ACE: variants seen among roughly 807,000 people sequenced by gnomAD.
ACE encodes angiotensin I converting enzyme.
In ACE, 122 loss-of-function variants were observed where a neutral mutation model predicts 162.3. That is an observed-to-expected ratio of 0.75 (90% CI 0.65 to 0.87). The LOEUF (loss-of-function observed/expected upper bound fraction) is 0.87. ACE is among the 40% of genes least tolerant of loss of function. ACE has a pLI of 0.00. For synonymous variants in ACE, 796 were observed against 720.6 expected, an observed-to-expected ratio of 1.10 and a Z score of -1.68; for missense variants, 1,799 against 1,735.1, an observed-to-expected ratio of 1.04 and a Z score of -0.65.
Position 63,479,090 on chromosome 17 carries a change from C to T in ACE, c.501C>T (p.Ser167=), listed in dbSNP as rs368820000. 5 of 1,612,766 alleles carry T rather than the reference C, an allele frequency of 3.1e-6. No homozygotes were observed. The highest frequency in any genetic ancestry group is 4.2e-6 in the Non-Finnish European group (5 of 1,179,646). Residue 167 remains serine (S), a synonymous_variant, in exon 3 of 25, where the codon TCC becomes TCT. Coordinates refer to ENST00000290866, the MANE Select transcript of ACE (RefSeq NM_000789.4). ...CLPNKTATCW[S]LDPDLTNILA... is the part of the protein sequence containing the mutation. ...CCAACAAGACTGCCACCTGCTGGTCCCTGGACCCAGGTACGGCCCTTGCAG... is the reference window on the plus strand; with the variant it reads ...CCAACAAGACTGCCACCTGCTGGTCTCTGGACCCAGGTACGGCCCTTGCAG...
At chr17:63,478,493 T>C in intron 2 of ACE, 1 of 300,640 alleles carries the variant, frequency 3.3e-6, no homozygotes, top group Non-Finnish European at 6.4e-6. Flanking sequence ...TGGCAAAACC[T>C]CGTCTCTACA....
At position 63,477,330 on chromosome 17, in the gene ACE, A is replaced by C. The variant is rs749921316; in HGVS notation, c.236A>C (p.Asn79Thr). ...CACGACACCAACATCACCGCGGAGA[A>C]TGCAAGGCGCCAGGTGGGCGCCCGG... ...WAHDTNITAE[N>T]ARRQEEAALL... The change falls in exon 1 of 25, where the codon AAT (asparagine) becomes ACT (threonine). Residue 79 changes from asparagine to threonine, a missense_variant. Asn to Thr is a moderately conservative substitution (Grantham distance 65). Transcript: ENST00000290866. 1.5e-6 allele frequency: 2 copies of C among 1,299,100 alleles called. No homozygotes were observed. The highest frequency in any genetic ancestry group is 9.9e-7 in the Non-Finnish European group (1 of 1,007,662). 80.5% of individuals were successfully genotyped at this position (1,299,100 alleles called of 1,614,324 possible). A position where few individuals can be genotyped will look rare whatever the true frequency, so the allele number is the denominator to read the frequency against.
chr17:63,492,405 C>T (rs1365774143), intron 19 of ACE, among the ~76,000 whole-genome samples: 1 of 152,252 alleles, frequency 6.6e-6, no homozygotes, highest in Non-Finnish European at 1.5e-5. Flanking sequence ...AGAAGTGTCT[C>T]TTACAAGGAG....
Position 63,481,180 on chromosome 17 carries a change from C to CTGCA in ACE, c.938_941dup (p.Gln314HisfsTer79). On this transcript the variant is annotated frameshift_variant, in exon 6 of 25. Transcript: ENST00000290866. LOFTEE classifies it high-confidence loss of function. The stretch of plus-strand genomic sequence containing the variant: ...CAACCTCGATGTCACCAGTACTATG[C>CTGCA]TGCAGCAGGTAAGCTCTGGGCTCAA... 6.2e-7 allele frequency: 1 copy of CTGCA among 1,612,224 alleles called. No homozygotes were observed. Among genetic ancestry groups the CTGCA allele is most frequent in the Non-Finnish European group, 8.5e-7 (1 of 1,179,396 alleles).
chr17:63,486,233 T>C (rs745822433), intron 13 of ACE: 2 of 418,464 alleles, frequency 4.8e-6, no homozygotes, highest in Non-Finnish European at 8.9e-6. Context: ...TGGGATTTGA[T>C]ATTAACTCTG....
Position 63,481,756 on chromosome 17 carries a change from G to A in ACE, c.1118+18G>A, listed in dbSNP as rs776700969. On this transcript the variant is annotated intron_variant, in intron 7 of 24. Transcript: ENST00000290866. The stretch of plus-strand genomic sequence containing the variant: ...GACTTCAGGTTCAGACATGGGAAGA[G>A]CACGTTCTGGGGTTCCCCGGTTCTG... 8 of 1,613,970 alleles carry A rather than the reference G, an allele frequency of 5.0e-6. No individual in the cohort carries two copies. The East Asian group carries it at 1.6e-4, about 31-fold the overall frequency.
At chr17:63,483,232 G>A in intron 9 of ACE, 59 bp downstream of exon 9, 7 of 1,611,446 alleles carry the variant, frequency 4.3e-6, no homozygotes, top group Non-Finnish European at 5.9e-6. Context: ...CTCCTGGACA[G>A]CCAGGCGCCT....
At chr17:63,477,880 C>T in intron 1 of ACE, 51 bp from the exon 2 acceptor site, 1 of 1,568,876 alleles carries the variant, frequency 6.4e-7, no homozygotes, top group South Asian at 1.2e-5. Flanking sequence ...CCTTTATGGC[C>T]TGCATCTAAG....
Position 63,496,916 on chromosome 17 carries a change from C to T in ACE, c.3622C>T (p.Leu1208Phe). 2 of 1,613,686 alleles carry T rather than the reference C, an allele frequency of 1.2e-6. No individual in the cohort carries two copies. Among genetic ancestry groups the T allele is most frequent in the Non-Finnish European group, 1.7e-6 (2 of 1,180,008 alleles). The change falls in exon 24 of 25, where the codon CTC (leucine) becomes TTC (phenylalanine). Residue 1208 changes from leucine (L) to phenylalanine (F), a missense_variant. By Grantham distance (22) the Leu-to-Phe change is conservative. Transcript: ENST00000290866. ...LSYFKPLLDW[L>F]RTENELHGEK... is the part of the protein sequence containing the mutation. ...CTACTTCAAGCCGCTGCTGGACTGG[C>T]TCCGCACGGAGAACGAGCTGCATGG...
chr17:63,485,155 G>A, intron 12 of ACE, 81 bp from the exon 13 acceptor site: 1 of 1,604,264 alleles, frequency 6.2e-7, no homozygotes, highest in Non-Finnish European at 8.5e-7. Context: ...GAGTGCGAGA[G>A]GGATAATGGC....
At position 63,491,156 on chromosome 17, in the gene ACE, A is replaced by G. The variant is rs2030350906; in HGVS notation, c.2740-53A>G. 1.9e-6 allele frequency: 3 copies of G among 1,611,802 alleles called. No homozygotes were observed. Among genetic ancestry groups the G allele is most frequent in the Non-Finnish European group, 2.5e-6 (3 of 1,178,866 alleles). On this transcript the variant is annotated intron_variant, in intron 18 of 24. Coordinates refer to ENST00000290866, the MANE Select transcript of ACE (RefSeq NM_000789.4). The surrounding 1 kb of genome is among the most constrained non-coding windows in gnomAD (Gnocchi z 4.4). Reference sequence around the variant, plus strand: ...CCTCCCCCGGGATCCCCACGGCAGCACGCAGTCTGTCCCCGGAACCCCCAG... The same window carrying G: ...CCTCCCCCGGGATCCCCACGGCAGCGCGCAGTCTGTCCCCGGAACCCCCAG...
In ACE at chr17:63,481,723, A is replaced by G. The variant is rs369713789; in HGVS notation, c.1103A>G (p.Asn368Ser). 6.2e-6 allele frequency: 10 copies of G among 1,614,040 alleles called. 1 individual carries two copies. In the East Asian group the frequency reaches 8.9e-5, roughly 14 times the overall value. The change falls in exon 7 of 25, where the codon AAC (asparagine) becomes AGC (serine). Residue 368 changes from asparagine to serine, a missense_variant. Transcript: ENST00000290866. The stretch of plus-strand genomic sequence containing the variant: ...CACGCCTCGGCTTGGGACTTCTACA[A>G]CAGGAAAGACTTCAGGTTCAGACAT... ...VCHASAWDFY[N>S]RKDFRIKQCT...
intron 15 of ACE, 188 bp from the exon 16 acceptor site, chr17:63,488,460 C>A: frequency 2.3e-6 from 1 of 441,068 alleles, no homozygotes. Context: ...GGCCCCAGGC[C>A]GGGGACTCTG....
Position 63,483,103 on chromosome 17 carries a change from C to A in ACE, c.1417C>A (p.Gln473Lys). 6.2e-7 allele frequency: 1 copy of A among 1,614,178 alleles called. No individual in the cohort carries two copies. Among genetic ancestry groups the A allele is most frequent in the Non-Finnish European group, 8.5e-7 (1 of 1,180,030 alleles). ...CCTGCCCTTTGGCTACTTGGTGGACCAGTGGCGCTGGGGGGTCTTTAGTGG... is the reference window on the plus strand; with the variant it reads ...CCTGCCCTTTGGCTACTTGGTGGACAAGTGGCGCTGGGGGGTCTTTAGTGG... Reference protein sequence around the residue: ...AFLPFGYLVDQWRWGVFSGRT... With the variant: ...AFLPFGYLVDKWRWGVFSGRT... The change falls in exon 9 of 25, where the codon CAG becomes AAG. Residue 473 changes from glutamine (Q) to lysine (K), a missense_variant. Physicochemically the swap from Gln to Lys is moderately conservative, Grantham distance 53. Coordinates refer to ENST00000290866, the MANE Select transcript of ACE (RefSeq NM_000789.4).
rs1275698756 is a variant in ACE at position 63,484,752 on chromosome 17, T to C, written c.1921+211T>C. 7 of 1,468,812 alleles carry C rather than the reference T, an allele frequency of 4.8e-6. No individual in the cohort carries two copies. In the East Asian group the frequency reaches 1.5e-4, roughly 31 times the overall value. 91.0% of individuals were successfully genotyped at this position (1,468,812 alleles called of 1,614,324 possible). On this transcript the variant is annotated intron_variant, in intron 12 of 24. Transcript: ENST00000290866. The surrounding 1 kb of genome is among the most constrained non-coding windows in gnomAD (Gnocchi z 4.0). ...ATCCTAGAGAGGGTGTGCTCAGACC[T>C]GAGGGCCCCTCCCCTTCCAGAGGAA...
At chr17:63,478,659 C>A (rs1046631660) in intron 2 of ACE, 3 of 385,970 alleles carry the variant, frequency 7.8e-6, no homozygotes, top group Non-Finnish European at 1.5e-5. Context: ...TGAGACCTCC[C>A]CCCAAAAAAA....
intron 9 of ACE, 58 bp from the exon 10 acceptor site, chr17:63,483,402 T>G: frequency 6.5e-7 from 1 of 1,532,650 alleles, no homozygotes; most frequent in Non-Finnish European, 9.0e-7. Context: ...TCTACAAAAG[T>G]TAAATCCATC....
chr17:63,492,502 C>G (rs550388387), intron 19 of ACE, among the ~76,000 whole-genome samples: 14 of 152,324 alleles, frequency 9.2e-5, no homozygotes, highest in African/African-American at 3.4e-4. Context: ...AGCCACAGGG[C>G]TGAGAGGAGA....
chr17:63,487,685 C>T (rs925180751), intron 15 of ACE, among the ~76,000 whole-genome samples: 8 of 152,100 alleles, frequency 5.3e-5, no homozygotes, highest in Admixed American at 2.6e-4. Flanking sequence ...AAGAGCTCAC[C>T]CCCGACACAA....
Sources: allele counts gnomAD v4.1 joint callset (sites outside exome capture counted in the v4.1 genomes callset), GRCh38; gene constraint gnomAD v4.1.1; non-coding constraint Gnocchi (gnomAD v3.1); transcripts MANE v1.5; gene names NCBI Gene and HGNC (gene_info 2026-07-23, HGNC 2026-07-21).